The following PIEZO2 variants were observed in gnomAD, a reference collection of about 807,000 sequenced individuals.
PIEZO2 encodes piezo-type mechanosensitive ion channel component 2.
In PIEZO2, 172 loss-of-function variants were observed where a neutral mutation model predicts 337.3. That is an observed-to-expected ratio of 0.51 (90% CI 0.45 to 0.58). PIEZO2 has a LOEUF of 0.58. PIEZO2 is among the 20% of genes least tolerant of loss of function. PIEZO2 has a pLI of 0.00. For synonymous variants in PIEZO2, 1,251 were observed against 1,228.5 expected, an observed-to-expected ratio of 1.02 and a Z score of -0.38; for missense variants, 3,028 against 3,391.3, an observed-to-expected ratio of 0.89 and a Z score of 2.66.
Position 10,718,209 on chromosome 18 carries a change from C to T in PIEZO2, c.5080G>A (p.Asp1694Asn), listed in dbSNP as rs114649884. 187 of 1,536,686 alleles carry T rather than the reference C, an allele frequency of 1.2e-4. 1 individual carries two copies. In the African/African-American group the frequency reaches 1.8e-3, roughly 15 times the overall value. Residue 1694 changes from aspartate to asparagine, a missense_variant, in exon 37 of 56, where the codon GAT (aspartate) becomes AAT (asparagine). By Grantham distance (23) the Asp-to-Asn change is conservative. Around this residue, in one of 5 missense-constraint regions of PIEZO2, gnomAD observed 1,925 missense variants for 2,051.9 expected, o/e 0.94. Coordinates refer to ENST00000674853, the MANE Select transcript of PIEZO2 (RefSeq NM_001378183.1). ...GTCTTTATTTTGTTACCTGGTCCAT[C>T]GGATTTCTTTTTGATTGGTTCATCC... ...REDEPIKKKS[D>N]GPDNIIKRIF... is the part of the protein sequence containing the mutation.
chr18:10,934,636 CGTGTGTGTGTGTGTGTGTGTGT>C (rs59190236), intron 3 of PIEZO2, among the ~76,000 whole-genome samples: 3 of 130,824 alleles, frequency 2.3e-5, no homozygotes, highest in Non-Finnish European at 3.2e-5. Flanking sequence ...ATTGTGTGTA[CGTGTGTGTGTGTGTGTGTGTGT>C]GTGTGTGTGT....
chr18:10,769,972 C>A, intron 21 of PIEZO2, 176 bp downstream of exon 21: 1 of 618,582 alleles, frequency 1.6e-6, no homozygotes. Context: ...AGCCTCTTTC[C>A]TTTTTCTCAG....
At chr18:11,025,663 A>T (rs2036514781) in intron 2 of PIEZO2, among the ~76,000 whole-genome samples, 1 of 152,138 alleles carries the variant, frequency 6.6e-6, no homozygotes, top group Non-Finnish European at 1.5e-5. Flanking sequence ...TGACACAGAC[A>T]TTTCCTGAAT....
At chr18:10,963,055 G>A (rs1568244475) in intron 3 of PIEZO2, among the ~76,000 whole-genome samples, 1 of 152,126 alleles carries the variant, frequency 6.6e-6, no homozygotes, top group Admixed American at 6.6e-5. Flanking sequence ...GGGAGCCTGA[G>A]GTGGGTGGAT....
intron 3 of PIEZO2, among the ~76,000 whole-genome samples, chr18:10,968,856 A>G (rs2034120347): frequency 6.6e-6 from 1 of 152,214 alleles, no homozygotes; most frequent in Non-Finnish European, 1.5e-5. Flanking sequence ...AGTAAATGTA[A>G]GGCATAAATT....
intron 12 of PIEZO2, among the ~76,000 whole-genome samples, chr18:10,797,055 T>C (rs1374268478): frequency 6.0e-5 from 9 of 150,482 alleles, no homozygotes; most frequent in African/African-American, 4.9e-5. Context: ...ATATATGTAC[T>C]ATCATGTCAT....
At chr18:11,037,898 T>C (rs1598864941) in intron 2 of PIEZO2, among the ~76,000 whole-genome samples, 1 of 152,228 alleles carries the variant, frequency 6.6e-6, no homozygotes, top group African/African-American at 2.4e-5. Flanking sequence ...ACTTAAATAA[T>C]TTCTGCAAAC....
chr18:10,806,088 T>G (rs1162256281), intron 8 of PIEZO2, among the ~76,000 whole-genome samples: 1 of 152,208 alleles, frequency 6.6e-6, no homozygotes, highest in Non-Finnish European at 1.5e-5. Context: ...ACTCATTGAC[T>G]GGCTGACTGA....
chr18:10,995,081 A>AAAAAAAAAAAAAAG (rs1555689840), intron 2 of PIEZO2, among the ~76,000 whole-genome samples: 12 of 147,684 alleles, frequency 8.1e-5, no homozygotes, highest in African/African-American at 3.0e-4. Context: ...CCGTCTCAAA[A>AAAAAAAAAAAAAAG]AAAAAAAAAA....
intron 2 of PIEZO2, among the ~76,000 whole-genome samples, chr18:11,063,240 A>G (rs963092462): frequency 1.6e-4 from 22 of 138,690 alleles, no homozygotes; most frequent in African/African-American, 5.6e-4. Flanking sequence ...ATGAGAACAC[A>G]TGGACATAGG....
intron 39 of PIEZO2, among the ~76,000 whole-genome samples, chr18:10,709,811 G>A (rs1468214816): frequency 6.6e-6 from 1 of 152,274 alleles, no homozygotes; most frequent in African/African-American, 2.4e-5. Context: ...GGCAGCCAGT[G>A]AGGGCGATAA....
chr18:10,679,037 A>G (rs566153445), intron 52 of PIEZO2, among the ~76,000 whole-genome samples: 3 of 148,600 alleles, frequency 2.0e-5, no homozygotes, highest in Non-Finnish European at 4.4e-5. Flanking sequence ...AGTTCAAGTG[A>G]TTCTCCTGCC....
intron 7 of PIEZO2, among the ~76,000 whole-genome samples, chr18:10,851,462 G>A (rs1443429046): frequency 6.6e-6 from 1 of 151,940 alleles, no homozygotes; most frequent in Non-Finnish European, 1.5e-5. Flanking sequence ...TTAAGGGGAT[G>A]ATGTACCGAA....
At chr18:10,696,024 A>G in intron 47 of PIEZO2, 50 bp downstream of exon 47, 1 of 1,533,932 alleles carries the variant, frequency 6.5e-7, no homozygotes, top group Non-Finnish European at 9.0e-7. Context: ...ACCTCAGGAA[A>G]CACAGTTGCA....
chr18:10,728,752 G>A lies in PIEZO2; in HGVS notation c.5029+2655C>T, dbSNP rs367968684. Among the ~76,000 whole-genome samples, 177 of 151,790 alleles carry A rather than the reference G, an allele frequency of 1.2e-3. 1 individual carries two copies. The highest frequency in any genetic ancestry group is 4.1e-3 in the African/African-American group (168 of 41,392). ...GGGCGGATCATGAGGTCAGAAGATC[G>A]AGACCATCCTGGCTAACATGGTGAA... On this transcript the variant is annotated intron_variant, in intron 36 of 55. Transcript: ENST00000674853.
Position 11,069,559 on chromosome 18 carries a change from C to A in PIEZO2, c.65-3337G>T, listed in dbSNP as rs933249746. 2.6e-5 allele frequency among the ~76,000 whole-genome samples: 4 copies of A among 152,208 alleles called. No individual in the cohort carries two copies. The highest frequency in any genetic ancestry group is 4.4e-5 in the Non-Finnish European group (3 of 68,036). On this transcript the variant is annotated intron_variant, in intron 1 of 55. Transcript: ENST00000674853. This position sits in a 1 kb window ranked among gnomAD's most constrained non-coding sequence, Gnocchi z 4.9. ...ATAAAGGCCATATGTAACACACACA[C>A]AGCTAATATCACACTCAACAATGAC...
In PIEZO2 at chr18:10,886,343, T is replaced by TATATATATATATAC. The variant is rs561758653; in HGVS notation, c.330-14929_330-14928insGTATATATATATAT. 1.3e-4 allele frequency among the ~76,000 whole-genome samples: 3 copies of TATATATATATATAC among 23,712 alleles called. 1 individual carries two copies. The highest frequency in any genetic ancestry group is 6.2e-4 in the African/African-American group (2 of 3,216). 15.6% of individuals were successfully genotyped at this position (23,712 alleles called of 152,430 possible). A position where few individuals can be genotyped will look rare whatever the true frequency, so the allele number is the denominator to read the frequency against. On this transcript the variant is annotated intron_variant, in intron 4 of 55. Coordinates refer to ENST00000674853, the MANE Select transcript of PIEZO2 (RefSeq NM_001378183.1). ...ACATACATATATATATATATATATA[T>TATATATATATATAC]ACACACACACACACACACATATATA...
chr18:10,883,331 G>C (rs2042477829), intron 4 of PIEZO2, among the ~76,000 whole-genome samples: 1 of 151,994 alleles, frequency 6.6e-6, no homozygotes, highest in Non-Finnish European at 1.5e-5. Context: ...TTTAGTTTTT[G>C]AGGAAGTCCA....
chr18:10,725,161 G>A lies in PIEZO2; in HGVS notation c.5029+6246C>T, dbSNP rs746607964. ...TATGGCTGTGCTGAAGTACTGCGAGGCCTCTGGACAGTTCATCCATCAGGC... is the reference window on the plus strand; with the variant it reads ...TATGGCTGTGCTGAAGTACTGCGAGACCTCTGGACAGTTCATCCATCAGGC... On this transcript the variant is annotated intron_variant, in intron 36 of 55. Coordinates refer to ENST00000674853, the MANE Select transcript of PIEZO2 (RefSeq NM_001378183.1). The A allele has an allele frequency of 1.8e-4, 269 of 1,482,122 alleles. 2 individuals carry two copies. The highest frequency in any genetic ancestry group is 6.4e-4 in the Admixed American group (38 of 59,514). 91.8% of individuals were successfully genotyped at this position (1,482,122 alleles called of 1,614,324 possible).
Sources: gnomAD v4.1 joint callset for allele counts (sites outside exome capture counted in the v4.1 genomes callset) on GRCh38, gnomAD v4.1.1 for gene constraint, gnomAD v4.1.1 regional missense constraint, Gnocchi (gnomAD v3.1) non-coding constraint, MANE v1.5 for transcripts, NCBI Gene and HGNC (gene_info 2026-07-23, HGNC 2026-07-21) for gene names.